PUDP: variants seen among roughly 807,000 people sequenced by gnomAD.
The protein encoded by PUDP is pseudouridine-5'-phosphatase.
Under a neutral mutation model 9.4 loss-of-function variants are expected in PUDP, and 8 were observed. That is an observed-to-expected ratio of 0.85 (90% CI 0.50 to 1.53). The LOEUF is 1.53. Ranked by LOEUF, PUDP falls within the 40% of genes most tolerant of loss-of-function variation. The pLI, the probability that PUDP is intolerant of heterozygous loss-of-function variation, is 0.00. For missense variants in PUDP, 188 were observed against 189.7 expected, an observed-to-expected ratio of 0.99 and a Z score of 0.05; for synonymous variants, 99 against 80.7, an observed-to-expected ratio of 1.23 and a Z score of -1.22.
At chrX:6,756,628 A>C (rs751406417) in intron 3 of PUDP, among the ~76,000 whole-genome samples, 2 of 112,549 alleles carry the variant, frequency 1.8e-5, no homozygotes, top group Non-Finnish European at 3.7e-5. Flanking sequence ...CATTATTATT[A>C]TGACTCTAGA....
intron 3 of PUDP, among the ~76,000 whole-genome samples, chrX:6,883,243 C>G (rs765314371): frequency 6.3e-5 from 7 of 111,236 alleles, no homozygotes; most frequent in Middle Eastern, 4.7e-3. Flanking sequence ...TAAATAAGGC[C>G]GGGTACAGTG....
intron 3 of PUDP, among the ~76,000 whole-genome samples, chrX:6,865,460 ATAT>A (rs1295703959): frequency 8.9e-6 from 1 of 112,207 alleles, no homozygotes; most frequent in Non-Finnish European, 1.9e-5. Context: ...AAGCCAAGAA[ATAT>A]TATAACACTT....
intron 3 of PUDP, among the ~76,000 whole-genome samples, chrX:6,783,368 T>C (rs942828513): frequency 2.7e-5 from 3 of 111,425 alleles, no homozygotes; most frequent in Non-Finnish European, 5.6e-5. Flanking sequence ...CTGCTCTGTC[T>C]ATGGAGTAGC....
At chrX:7,063,401 A>T (rs1254602397) in intron 3 of PUDP, among the ~76,000 whole-genome samples, 1 of 111,738 alleles carries the variant, frequency 8.9e-6, no homozygotes, top group Non-Finnish European at 1.9e-5. Flanking sequence ...ATTGCAAAGG[A>T]AAATGATGTT....
At chrX:6,806,800 C>T (rs186799403) in intron 3 of PUDP, among the ~76,000 whole-genome samples, 169 of 112,494 alleles carry the variant, frequency 1.5e-3, no homozygotes, top group Middle Eastern at 9.1e-3. Flanking sequence ...AGGAGAGAAG[C>T]CCAGGAATTA....
chrX:7,108,338 C>A (rs1931945297), intron 1 of PUDP, among the ~76,000 whole-genome samples: 1 of 112,182 alleles, frequency 8.9e-6, no homozygotes, highest in South Asian at 3.7e-4. Flanking sequence ...GGGGAACTCT[C>A]TGGCTCTTCC....
At position 7,002,426 on chromosome X, in the gene PUDP, T is replaced by G. The variant is rs139511368; in HGVS notation, c.205-24083A>C. On this transcript the variant is annotated intron_variant and NMD_transcript_variant, in intron 1 of 3. Transcript: ENST00000655425. ...AAGACTGGCAAATGTTTTCACCGAC[T>G]TTGAGAATATTAAAACTAGATCAAA... Among the ~76,000 whole-genome samples, 267 of 111,840 alleles carry G rather than the reference T, an allele frequency of 2.4e-3. 2 individuals are homozygous for G. Among genetic ancestry groups the G allele is most frequent in the African/African-American group, 8.2e-3 (251 of 30,701 alleles).
At chrX:6,789,435 G>A (rs762145995) in intron 3 of PUDP, among the ~76,000 whole-genome samples, 1 of 111,078 alleles carries the variant, frequency 9.0e-6, no homozygotes, top group South Asian at 3.9e-4. Flanking sequence ...GGGGTCTTGA[G>A]AAGGAATTTG....
At chrX:6,828,871 ATTT>A (rs926587011) in intron 3 of PUDP, among the ~76,000 whole-genome samples, 3 of 106,178 alleles carry the variant, frequency 2.8e-5, no homozygotes, top group African/African-American at 1.0e-4. Context: ...TTGATAGCTT[ATTT>A]TTTTTTTAGT....
At chrX:6,784,250 A>G (rs1436606601) in intron 3 of PUDP, among the ~76,000 whole-genome samples, 3 of 111,979 alleles carry the variant, frequency 2.7e-5, no homozygotes, top group Non-Finnish European at 5.6e-5. Context: ...TGGATCATGT[A>G]CACATCATTC....
chrX:6,834,648 T>C (rs1408572632), intron 3 of PUDP, among the ~76,000 whole-genome samples: 1 of 111,711 alleles, frequency 9.0e-6, no homozygotes, highest in Non-Finnish European at 1.9e-5. Context: ...TTGTGCATTT[T>C]GTGCTCCCAT....
chrX:6,780,942 A>G (rs770192262), intron 3 of PUDP, among the ~76,000 whole-genome samples: 2 of 110,843 alleles, frequency 1.8e-5, no homozygotes, highest in Non-Finnish European at 3.8e-5. Flanking sequence ...CTGTAATCCC[A>G]GCTACTCAGG....
intron 3 of PUDP, among the ~76,000 whole-genome samples, chrX:6,931,941 G>T (rs1928197562): frequency 8.9e-6 from 1 of 112,055 alleles, no homozygotes; most frequent in South Asian, 3.7e-4. Flanking sequence ...CTAACTTAAA[G>T]ATGTTTAACT....
chrX:7,077,743 A>G (rs150807204), intron 2 of PUDP, among the ~76,000 whole-genome samples: 59 of 112,798 alleles, frequency 5.2e-4, no homozygotes, highest in African/African-American at 1.9e-3. Context: ...GGGCCTCCTT[A>G]TGAAACGTGG....
intron 3 of PUDP, among the ~76,000 whole-genome samples, chrX:6,897,791 G>A (rs745765100): frequency 3.6e-5 from 4 of 111,159 alleles, no homozygotes; most frequent in African/African-American, 6.5e-5. Flanking sequence ...GGAGGTGTAA[G>A]GGAGTCCTCA....
chrX:6,809,671 C>A (rs1054482865), intron 3 of PUDP, among the ~76,000 whole-genome samples: 1 of 110,955 alleles, frequency 9.0e-6, no homozygotes, highest in African/African-American at 3.3e-5. Flanking sequence ...TATCATAGAA[C>A]CTACCACAGT....
intron 3 of PUDP, among the ~76,000 whole-genome samples, chrX:6,862,033 G>A (rs777102619): frequency 2.7e-5 from 3 of 111,922 alleles, no homozygotes; most frequent in South Asian, 3.8e-4. Flanking sequence ...ACCTGCTAGC[G>A]AACTGAGAAC....
chrX:7,055,877 T>C (rs1166936692), intron 3 of PUDP, among the ~76,000 whole-genome samples: 2 of 112,069 alleles, frequency 1.8e-5, no homozygotes, highest in Non-Finnish European at 3.8e-5. Context: ...GGCAGAAATA[T>C]CTCAACACAG....
intron 3 of PUDP, among the ~76,000 whole-genome samples, chrX:6,830,070 A>G (rs1033731243): frequency 1.8e-5 from 2 of 110,352 alleles, no homozygotes; most frequent in African/African-American, 6.6e-5. Context: ...CACCCCTGAG[A>G]ATGAATCTAA....
Sources: gnomAD v4.1 joint callset for allele counts (sites outside exome capture counted in the v4.1 genomes callset) on GRCh38, gnomAD v4.1.1 for gene constraint, MANE v1.5 for transcripts, NCBI Gene and HGNC (gene_info 2026-07-23, HGNC 2026-07-21) for gene names.